Variants in FAM149A observed in about 807,000 individuals in gnomAD.
FAM149A encodes family with sequence similarity 149 member A.
Under a neutral mutation model 78.2 loss-of-function variants are expected in FAM149A, and 71 were observed. The ratio of observed to expected loss-of-function variants is 0.91; its 90% CI spans 0.75 to 1.11. The LOEUF (loss-of-function observed/expected upper bound fraction) is 1.11. FAM149A is among the 50% of genes least tolerant of loss of function. FAM149A has a pLI of 0.00. For synonymous variants in FAM149A, 446 were observed against 410.5 expected (o/e 1.09, Z -1.04); for missense variants, 1,036 against 971.0 (o/e 1.07, Z -0.89).
At chr4:186,110,327 G>A in intron 1 of FAM149A, 1 of 980,272 alleles carries the variant, frequency 1.0e-6, no homozygotes, top group Non-Finnish European at 1.2e-6. Context: ...GCTTGCTGCT[G>A]GGACTTAGCA....
At chr4:186,128,499 G>A (rs1715068) in intron 1 of FAM149A, among the ~76,000 whole-genome samples, 51,587 of 151,196 alleles carry the variant, frequency 0.34, 9,056 homozygotes, top group Non-Finnish European at 0.38. Context: ...AAAGAGCAAC[G>A]GAACCTTCCC....
At chr4:186,141,999 C>T (rs2099325992) in intron 1 of FAM149A, among the ~76,000 whole-genome samples, 1 of 152,156 alleles carries the variant, frequency 6.6e-6, no homozygotes, top group South Asian at 2.1e-4. Context: ...TTTGGACCCC[C>T]TTCCCCAGCC....
At chr4:186,139,037 A>G (rs1330179383) in intron 1 of FAM149A, among the ~76,000 whole-genome samples, 3 of 152,184 alleles carry the variant, frequency 2.0e-5, no homozygotes, top group Non-Finnish European at 2.9e-5. Context: ...ATTTCTATCA[A>G]TATGGGCTCA....
At chr4:186,153,407 A>G (rs1733770095) in intron 4 of FAM149A, 1 of 985,060 alleles carries the variant, frequency 1.0e-6, no homozygotes, top group African/African-American at 1.7e-5. Context: ...CTGTTTTGCA[A>G]ATGAAAGACA....
At chr4:186,111,477 A>G (rs886081623) in intron 1 of FAM149A, among the ~76,000 whole-genome samples, 11 of 152,096 alleles carry the variant, frequency 7.2e-5, no homozygotes, top group South Asian at 2.1e-4. Flanking sequence ...GCCCATGCCA[A>G]TGTCCTGAAT....
chr4:186,107,493 A>G (rs2099309259), intron 1 of FAM149A: 1 of 152,218 alleles, frequency 6.6e-6, no homozygotes, highest in Non-Finnish European at 1.5e-5. Flanking sequence ...ATCACTGTTC[A>G]TTGCAGCCTC....
Position 186,149,594 on chromosome 4 carries a change from G to A in FAM149A, c.679G>A (p.Gly227Arg), listed in dbSNP as rs772859233. 5.5e-5 allele frequency: 71 copies of A among 1,289,716 alleles called. No homozygotes were observed. The highest frequency in any genetic ancestry group is 2.3e-4 in the African/African-American group (15 of 65,854). 79.9% of individuals were successfully genotyped at this position (1,289,716 alleles called of 1,614,324 possible). A position where few individuals can be genotyped will look rare whatever the true frequency, so the allele number is the denominator to read the frequency against. Residue 227 changes from glycine (G) to arginine (R), a missense_variant and splice_region_variant, in exon 3 of 14, where the codon GGA becomes AGA. Gly to Arg is a moderately radical substitution (Grantham distance 125). Coordinates refer to ENST00000389354, the MANE Select transcript of FAM149A (RefSeq NM_001367768.3). ...ATCCTTGTCATCCTTTTCCTCCAGC[G>A]GAAGCCATACACCCACGGGAGCCCA...
intron 13 of FAM149A, among the ~76,000 whole-genome samples, chr4:186,168,331 T>C (rs1483314807): frequency 6.6e-6 from 1 of 152,256 alleles, no homozygotes; most frequent in Non-Finnish European, 1.5e-5. Context: ...GCAGCCATGC[T>C]ACATGGTCAG....
rs762073478 is a variant in FAM149A at position 186,153,732 on chromosome 4, C to G, written c.1020C>G (p.Pro340=). The change falls in exon 5 of 14, where the codon CCC becomes CCG. Residue 340 remains proline, a synonymous_variant. Transcript: ENST00000389354. ...CTCCTGCCTCCGCAGTCCACAGACC[C>G]CCGCTCAGTGCCTGCGGACACAGCA... The G allele has an allele frequency of 1.2e-6, 2 of 1,613,934 alleles. No homozygotes were observed. The highest frequency in any genetic ancestry group is 2.2e-5 in the South Asian group (2 of 91,066).
intron 3 of FAM149A, among the ~76,000 whole-genome samples, chr4:186,150,711 G>A (rs1227170390): frequency 8.6e-6 from 1 of 116,058 alleles, no homozygotes; most frequent in Non-Finnish European, 1.8e-5. Context: ...GAGCCACCGC[G>A]TCCGGCCTTT....
intron 13 of FAM149A, among the ~76,000 whole-genome samples, chr4:186,170,106 A>G (rs1243741348): frequency 1.3e-5 from 2 of 152,222 alleles, no homozygotes; most frequent in African/African-American, 2.4e-5. Context: ...AACTGGCCAC[A>G]GGGGACTCCC....
At chr4:186,158,518 G>A in intron 8 of FAM149A, 1 of 997,012 alleles carries the variant, frequency 1.0e-6, no homozygotes, top group South Asian at 3.5e-5. Flanking sequence ...TGAGGTGGAA[G>A]AGCAGCCTGC....
chr4:186,136,992 C>CTCTCTT (rs1561396507), intron 1 of FAM149A, among the ~76,000 whole-genome samples: 43 of 126,778 alleles, frequency 3.4e-4, no homozygotes, highest in South Asian at 5.8e-4. Flanking sequence ...CTCTCTCTCT[C>CTCTCTT]TCTCTCTCTC....
chr4:186,169,474 ATCCCTCAAAAGTCTTG>A, intron 13 of FAM149A: 1 of 985,412 alleles, frequency 1.0e-6, no homozygotes, highest in Non-Finnish European at 1.2e-6. Context: ...CCTAAGTCTT[ATCCCTCAAAAGTCTTG>A]TCCCTCAAAA....
At chr4:186,123,184 G>T in intron 1 of FAM149A, 1 of 983,002 alleles carries the variant, frequency 1.0e-6, no homozygotes, top group Non-Finnish European at 1.2e-6. Context: ...AATTTGAAAA[G>T]GAAATGTCAC....
intron 1 of FAM149A, chr4:186,131,973 T>C: frequency 1.0e-6 from 1 of 985,318 alleles, no homozygotes; most frequent in South Asian, 4.7e-5. Flanking sequence ...AAAAATTCTT[T>C]TGTATTTCTT....
At chr4:186,134,593 C>T (rs1330231571) in intron 1 of FAM149A, among the ~76,000 whole-genome samples, 1 of 152,170 alleles carries the variant, frequency 6.6e-6, no homozygotes, top group Non-Finnish European at 1.5e-5. Context: ...TAGGTTTTCC[C>T]TGGGTATCCT....
At position 186,171,981 on chromosome 4, in the gene FAM149A, A is replaced by C; in HGVS notation, c.2286A>C (p.Thr762=). The change falls in exon 14 of 14, where the codon ACA becomes ACC. Residue 762 remains threonine, a synonymous_variant. Coordinates refer to ENST00000389354, the MANE Select transcript of FAM149A (RefSeq NM_001367768.3). ...CTTTCAAGAGGAGATTCCAAGTGAC[A>C]TCTTGAAACCACCTCACCAGAACCA... 6.2e-7 allele frequency: 1 copy of C among 1,611,506 alleles called. No homozygotes were observed. Among genetic ancestry groups the C allele is most frequent in the South Asian group, 1.1e-5 (1 of 90,570 alleles).
Position 186,106,226 on chromosome 4 carries a change from C to G in FAM149A, c.566+584C>G, listed in dbSNP as rs529462296. On this transcript the variant is annotated intron_variant, in intron 1 of 13. Coordinates refer to ENST00000389354, the MANE Select transcript of FAM149A (RefSeq NM_001367768.3). ...TTACCCTAGAGCTCCTGAGAGCTTTCCACAGTGCCCTGAGTCACTGCAGAA... is the reference window on the plus strand; with the variant it reads ...TTACCCTAGAGCTCCTGAGAGCTTTGCACAGTGCCCTGAGTCACTGCAGAA... Among the ~76,000 whole-genome samples, 65 of 152,234 alleles carry G rather than the reference C, an allele frequency of 4.3e-4. 1 individual carries two copies. The Middle Eastern group carries it at 0.01, about 24-fold the overall frequency.
Sources: gnomAD v4.1 joint callset for allele counts (sites outside exome capture counted in the v4.1 genomes callset) on GRCh38, gnomAD v4.1.1 for gene constraint, MANE v1.5 for transcripts, NCBI Gene and HGNC (gene_info 2026-07-23, HGNC 2026-07-21) for gene names.